Variants in EDNRB observed in about 807,000 individuals in gnomAD.
EDNRB encodes the protein Hirschsprung disease 2.
Under a neutral mutation model 46.4 loss-of-function variants are expected in EDNRB, and 18 were observed. That is an observed-to-expected ratio of 0.39 (90% CI 0.27 to 0.57). EDNRB has a LOEUF of 0.57. Among genes scored for constraint, EDNRB ranks in the 20% least tolerant of loss-of-function variants. The pLI is 0.61. For synonymous variants in EDNRB, 213 were observed against 204.9 expected, an observed-to-expected ratio of 1.04 and a Z score of -0.34; for missense variants, 434 against 537.5, an observed-to-expected ratio of 0.81 and a Z score of 1.90.
intron 1 of EDNRB, among the ~76,000 whole-genome samples, chr13:77,964,700 C>CA (rs1289639660): frequency 7.9e-5 from 12 of 152,078 alleles, no homozygotes; most frequent in Non-Finnish European, 1.6e-4. Flanking sequence ...ATGGGTGTAG[C>CA]ACACCAACAC....
rs557728631 is a variant in EDNRB at position 77,961,610 on chromosome 13, C to A, written c.-52+13737G>T. Among the ~76,000 whole-genome samples, 3 of 152,286 alleles carry A rather than the reference C, an allele frequency of 2.0e-5. No individual in the cohort carries two copies. The East Asian group carries it at 5.8e-4, about 29-fold the overall frequency. On this transcript the variant is annotated intron_variant, in intron 1 of 7. Transcript: ENST00000646948. ...GAACAAAGACACAACATACCAGAATCTCTGGGACATATTTAAAGCAGTGTG... is the reference window on the plus strand; with the variant it reads ...GAACAAAGACACAACATACCAGAATATCTGGGACATATTTAAAGCAGTGTG...
At chr13:77,919,407 T>G (rs1428468741), upstream of EDNRB, 1 of 1,611,448 alleles carries the variant, frequency 6.2e-7, no homozygotes, top group South Asian at 1.1e-5. Context: ...CTCTCGGATC[T>G]GACAAACCAG....
At chr13:77,903,763 G>A (rs563395506) in intron 1 of EDNRB, among the ~76,000 whole-genome samples, 156 bp from the exon 2 acceptor site, 78 of 152,020 alleles carry the variant, frequency 5.1e-4, no homozygotes, top group African/African-American at 1.2e-3. Context: ...ACCATTGTTT[G>A]ATATATGTAT....
At chr13:77,936,835 G>A (rs1436139015) in intron 1 of EDNRB, among the ~76,000 whole-genome samples, 3 of 152,248 alleles carry the variant, frequency 2.0e-5, no homozygotes, top group East Asian at 3.8e-4. Context: ...CTGCGGCTTA[G>A]GCGTGTGCAG....
intron 1 of EDNRB, chr13:77,947,610 C>T (rs1307724445): frequency 6.6e-6 from 1 of 152,126 alleles, no homozygotes; most frequent in Non-Finnish European, 1.5e-5. Flanking sequence ...TGGTTCACCT[C>T]TCCTTAGGCA....
chr13:77,945,888 A>C (rs899759442), intron 1 of EDNRB, among the ~76,000 whole-genome samples: 17 of 151,632 alleles, frequency 1.1e-4, no homozygotes, highest in African/African-American at 2.9e-4. Context: ...AAAAAAAAAA[A>C]AAAAACAAAA....
At chr13:77,950,249 A>G (rs1375402644) in intron 1 of EDNRB, among the ~76,000 whole-genome samples, 1 of 152,222 alleles carries the variant, frequency 6.6e-6, no homozygotes, top group African/African-American at 2.4e-5. Context: ...AAAAGGGAAC[A>G]TGTACTCTCA....
chr13:77,954,290 CT>C (rs1881171445), intron 1 of EDNRB, among the ~76,000 whole-genome samples: 1 of 151,992 alleles, frequency 6.6e-6, no homozygotes, highest in African/African-American at 2.4e-5. Flanking sequence ...TTATATGCCC[CT>C]TCTCCCATTC....
rs77998868 is a variant in EDNRB at position 77,945,766 on chromosome 13, C to T, written c.-51-27142G>A. On this transcript the variant is annotated intron_variant, in intron 1 of 7. Coordinates refer to the EDNRB transcript ENST00000646948. Reference sequence around the variant, plus strand: ...GCAAATATTAAGCCCAGCTAAATTCCTAAACAGATTAATATAAAACCTCAC... The same window carrying T: ...GCAAATATTAAGCCCAGCTAAATTCTTAAACAGATTAATATAAAACCTCAC... Among the ~76,000 whole-genome samples the T allele has an allele frequency of 1.3e-4, 20 of 151,212 alleles. No homozygotes were observed. The East Asian group carries it at 3.7e-3, about 28-fold the overall frequency.
chr13:77,903,300 T>C lies in EDNRB; in HGVS notation c.657A>G (p.Ala219=), dbSNP rs765387127. Residue 219 remains alanine (A), a synonymous_variant, in exon 3 of 7, where the codon GCA becomes GCG. Transcript: ENST00000646607. ...CCACCCAAATCAAAACAATTTCTAC[T>C]GCTGTCCATTTTGGAACCCCAATTC... is the stretch of plus-strand genomic sequence containing the variant. ...IKGIGVPKWT[A]VEIVLIWVVS... 1 of 1,612,980 alleles carries C rather than the reference T, an allele frequency of 6.2e-7. No homozygotes were observed. Among genetic ancestry groups the C allele is most frequent in the Admixed American group, 1.7e-5 (1 of 59,912 alleles).
chr13:77,917,251 T>G (rs1879854141), intron 1 of EDNRB, among the ~76,000 whole-genome samples: 1 of 152,252 alleles, frequency 6.6e-6, no homozygotes, highest in Non-Finnish European at 1.5e-5. Flanking sequence ...ACCAGTCATC[T>G]GTAAACTAAT....
In EDNRB at chr13:77,896,532, T is replaced by C. The variant is rs367891823; in HGVS notation, c.*1668A>G. On this transcript the variant is annotated 3_prime_UTR_variant, in exon 7 of 7. Transcript: ENST00000646607. ...CAATATTGACAGAAAACAACATTAC[T>C]AGCTTATTTCCAACATGTGGCCCAG... 22 of 1,571,746 alleles carry C rather than the reference T, an allele frequency of 1.4e-5. No individual in the cohort carries two copies. The African/African-American group carries it at 2.0e-4, about 14-fold the overall frequency.
Position 77,897,367 on chromosome 13 carries a change from G to A in EDNRB, c.*833C>T, listed in dbSNP as rs1878685324. 1 of 985,082 alleles carries A rather than the reference G, an allele frequency of 1.0e-6. No homozygotes were observed. The highest frequency in any genetic ancestry group is 1.7e-5 in the African/African-American group (1 of 57,216). The allele number at this position is 985,082 out of a possible 1,614,324, so 61.0% of individuals were successfully genotyped here. Reference sequence around the variant, plus strand: ...ATAGTATTGTCTTCACAGGGTATGTGAATGACAGATTCAAAAAAGTCTTTT... The same window carrying A: ...ATAGTATTGTCTTCACAGGGTATGTAAATGACAGATTCAAAAAAGTCTTTT... On this transcript the variant is annotated 3_prime_UTR_variant, in exon 7 of 7. Coordinates refer to ENST00000646607, the MANE Select transcript of EDNRB (RefSeq NM_001122659.3).
intron 1 of EDNRB, among the ~76,000 whole-genome samples, chr13:77,906,149 G>A (rs1250559321): frequency 6.6e-6 from 1 of 151,862 alleles, no homozygotes; most frequent in Non-Finnish European, 1.5e-5. Flanking sequence ...TTGGACACAT[G>A]ATGTTGGAAG....
chr13:77,921,596 T>C (rs773297838), upstream of EDNRB, among the ~76,000 whole-genome samples: 176 of 152,250 alleles, frequency 1.2e-3, no homozygotes, highest in Non-Finnish European at 1.9e-3. Flanking sequence ...ATTATTGTAA[T>C]TGCAGAAAGC....
intron 1 of EDNRB, among the ~76,000 whole-genome samples, chr13:77,959,108 C>T (rs1226948567): frequency 2.0e-5 from 3 of 152,198 alleles, no homozygotes; most frequent in African/African-American, 4.8e-5. Flanking sequence ...TTCTCCTATA[C>T]TCAAATATCT....
At chr13:77,935,919 C>T (rs796069859) in intron 1 of EDNRB, among the ~76,000 whole-genome samples, 2 of 152,170 alleles carry the variant, frequency 1.3e-5, no homozygotes, top group Non-Finnish European at 2.9e-5. Flanking sequence ...TGATAAGGCA[C>T]AGATCCTGAA....
At chr13:77,956,681 TA>T (rs1881250512) in intron 1 of EDNRB, among the ~76,000 whole-genome samples, 1 of 152,366 alleles carries the variant, frequency 6.6e-6, no homozygotes, top group Admixed American at 6.5e-5. Context: ...CTTACTGGGC[TA>T]AAATCAAGGC....
chr13:77,919,668 C>A, upstream of EDNRB: 2 of 1,514,428 alleles, frequency 1.3e-6, no homozygotes, highest in Non-Finnish European at 9.0e-7. Flanking sequence ...TCCGACCCCG[C>A]TGCAACCTTT....
Sources: gnomAD v4.1 joint callset for allele counts (sites outside exome capture counted in the v4.1 genomes callset) on GRCh38, gnomAD v4.1.1 for gene constraint, MANE v1.5 for transcripts, NCBI Gene and HGNC (gene_info 2026-07-23, HGNC 2026-07-21) for gene names.